Variants in PAK6 observed in about 807,000 individuals in gnomAD.
PAK6 encodes serine/threonine-protein kinase PAK 6.
In PAK6, 33 loss-of-function variants were observed where a neutral mutation model predicts 60.8. The ratio of observed to expected loss-of-function variants is 0.54; its 90% CI spans 0.41 to 0.73. The LOEUF is 0.73. PAK6 is among the 30% of genes least tolerant of loss of function. The pLI is 0.00. For missense variants in PAK6, 845 were observed against 904.1 expected, an observed-to-expected ratio of 0.93 and a Z score of 0.84; for synonymous variants, 404 against 378.5, an observed-to-expected ratio of 1.07 and a Z score of -0.78.
At chr15:40,253,354 G>A (rs774481133) in intron 3 of PAK6, 65 bp downstream of exon 3, 1 of 442,674 alleles carries the variant, frequency 2.3e-6, no homozygotes, top group Non-Finnish European at 4.6e-6. Context: ...CAGGCAGGGA[G>A]GGACAGTGGG....
chr15:40,272,694 G>T (rs1177197569), exon 6 of PAK6: 1 of 1,598,336 alleles, frequency 6.3e-7, no homozygotes, highest in African/African-American at 1.3e-5. Context: ...TCAGGAAGCA[G>T]CAGCGCAGGG....
At chr15:40,265,720 G>C (rs1001876560) in intron 4 of PAK6, 122 bp from the exon 5 acceptor site, 2 of 796,388 alleles carry the variant, frequency 2.5e-6, no homozygotes, top group Non-Finnish European at 3.8e-6. Context: ...GACACAGCAG[G>C]GAAGGTCCTT....
At chr15:40,275,280 G>GTTTTTTTTT (rs869058525) in intron 10 of PAK6, among the ~76,000 whole-genome samples, 1,306 of 55,852 alleles carry the variant, frequency 0.023, 126 homozygotes, top group East Asian at 0.031. Flanking sequence ...GTTGTTGTTG[G>GTTTTTTTTT]TTTTTTTTTT....
chr15:40,244,979 CTT>C (rs1595563997), intron 2 of PAK6: 1 of 152,196 alleles, frequency 6.6e-6, no homozygotes, highest in African/African-American at 2.4e-5. Context: ...CCAGTGATGA[CTT>C]TTTTTGACAC....
chr15:40,243,201 T>C (rs991060453), intron 2 of PAK6, among the ~76,000 whole-genome samples: 1 of 152,176 alleles, frequency 6.6e-6, no homozygotes, highest in African/African-American at 2.4e-5. Flanking sequence ...ACAAAAAAGA[T>C]AAGTTGAGAA....
intron 5 of PAK6, among the ~76,000 whole-genome samples, chr15:40,269,029 T>C (rs1238739091): frequency 6.6e-6 from 1 of 152,142 alleles, no homozygotes; most frequent in Non-Finnish European, 1.5e-5. Flanking sequence ...GCTTTATTAG[T>C]AGTATTTGAG....
chr15:40,261,774 C>G (rs1407215309), intron 3 of PAK6, among the ~76,000 whole-genome samples: 1 of 152,132 alleles, frequency 6.6e-6, no homozygotes, highest in African/African-American at 2.4e-5. Context: ...TCCCTAGCCC[C>G]CAAAGCCTGA....
intron 3 of PAK6, among the ~76,000 whole-genome samples, chr15:40,260,631 A>G (rs999771196): frequency 6.6e-6 from 1 of 152,112 alleles, no homozygotes; most frequent in Non-Finnish European, 1.5e-5. Flanking sequence ...GGTTCTTTAT[A>G]TTTCTGTATA....
Position 40,267,884 on chromosome 15 carries a change from G to A in PAK6, c.858+1389G>A, listed in dbSNP as rs796590020. 2.0e-5 allele frequency among the ~76,000 whole-genome samples: 3 copies of A among 152,172 alleles called. No individual in the cohort carries two copies. In the South Asian group the frequency reaches 6.2e-4, roughly 32 times the overall value. ...GCACCCTGCTGGGAAGGTGAGATTC[G>A]GAGCTTGACCTCCCTCTGTCTCTCA... On this transcript the variant is annotated intron_variant, in intron 5 of 10. Coordinates refer to ENST00000560346, the Ensembl canonical transcript of PAK6.
exon 5 of PAK6, chr15:40,265,976 C>T: frequency 6.2e-7 from 1 of 1,603,996 alleles, no homozygotes; most frequent in African/African-American, 1.3e-5. Flanking sequence ...GGGCACAGTC[C>T]CTGGGGCTGC....
intron 3 of PAK6, among the ~76,000 whole-genome samples, chr15:40,261,089 C>T (rs751902097): frequency 7.9e-5 from 12 of 151,784 alleles, no homozygotes; most frequent in Non-Finnish European, 1.5e-4. Flanking sequence ...GGGGTTTCAC[C>T]GTGTTAGCCA....
exon 11 of PAK6, chr15:40,277,016 A>G (rs2039475102): frequency 6.6e-6 from 1 of 152,128 alleles, no homozygotes; most frequent in African/African-American, 2.4e-5. Context: ...TGTACTGTGC[A>G]TCGTGAGGGC....
chr15:40,252,429 G>C, intron 2 of PAK6: 1 of 1,356,866 alleles, frequency 7.4e-7, no homozygotes, highest in Non-Finnish European at 9.8e-7. Context: ...AGAAAGAGTT[G>C]AGCAGCACGG....
At chr15:40,261,252 C>CTTGA (rs1159402601) in intron 3 of PAK6, among the ~76,000 whole-genome samples, 1 of 151,438 alleles carries the variant, frequency 6.6e-6, no homozygotes, top group East Asian at 2.0e-4. Context: ...AAATATTGAC[C>CTTGA]TTGAGCCTGG....
chr15:40,272,897 A>G lies in PAK6; in HGVS notation c.1388A>G (p.Asn463Ser), dbSNP rs201153660. The G allele has an allele frequency of 5.1e-5, 82 of 1,614,028 alleles. No homozygotes were observed. In the East Asian group the frequency reaches 7.4e-4, roughly 14 times the overall value. The change falls in exon 7 of 11, where the codon AAC becomes AGC. Residue 463 changes from asparagine (N) to serine (S), a missense_variant. Transcript: ENST00000560346. ...ATCATGCGGGACTACCAGCACTTCA[A>G]CGTGGTGGAGATGTACAAGAGCTAC...
chr15:40,268,207 T>C (rs1163687305), intron 5 of PAK6, among the ~76,000 whole-genome samples: 1 of 152,118 alleles, frequency 6.6e-6, no homozygotes, highest in Non-Finnish European at 1.5e-5. Flanking sequence ...AGATTTCTAC[T>C]CTGAAGCCAA....
exon 11 of PAK6, chr15:40,277,480 C>T (rs564140113): frequency 1.3e-5 from 2 of 152,378 alleles, no homozygotes; most frequent in Non-Finnish European, 2.9e-5. Context: ...ATTGAGTGTT[C>T]AAAGCCATTG....
intron 3 of PAK6, among the ~76,000 whole-genome samples, chr15:40,255,923 T>C (rs2038821815): frequency 6.6e-6 from 1 of 152,240 alleles, no homozygotes; most frequent in Non-Finnish European, 1.5e-5. Flanking sequence ...CTCTTCTGGC[T>C]GCAGAAGGTT....
intron 3 of PAK6, among the ~76,000 whole-genome samples, chr15:40,254,168 T>C (rs887499269): frequency 6.6e-6 from 1 of 152,178 alleles, no homozygotes; most frequent in Non-Finnish European, 1.5e-5. Flanking sequence ...TTCACTTCTC[T>C]ACAAACTTAT....
Sources: allele counts gnomAD v4.1 joint callset (sites outside exome capture counted in the v4.1 genomes callset), GRCh38; gene constraint gnomAD v4.1.1; transcripts MANE v1.5; gene names NCBI Gene and HGNC (gene_info 2026-07-23, HGNC 2026-07-21).